Variants in FAM81B observed in about 807,000 individuals in gnomAD.
FAM81B encodes the protein protein FAM81B.
In FAM81B, 60 loss-of-function variants were observed where a neutral mutation model predicts 58.7. The observed-to-expected ratio is 1.02, with a 90% CI of 0.83 to 1.27. The LOEUF (loss-of-function observed/expected upper bound fraction) is 1.27. Ranked by LOEUF, FAM81B falls within the 50% of genes most tolerant of loss-of-function variation. The probability of loss-of-function intolerance (pLI) is 0.00; values close to 1 mark genes in which losing one functional copy is unlikely to be tolerated. For missense variants in FAM81B, 491 were observed against 522.0 expected (o/e 0.94, Z 0.58); for synonymous variants, 189 against 179.6 (o/e 1.05, Z -0.42).
intron 5 of FAM81B, chr5:95,424,291 T>C: frequency 8.6e-7 from 1 of 1,164,838 alleles, no homozygotes; most frequent in African/African-American, 1.6e-5. Context: ...GACAGACAGA[T>C]AGATGATAGA....
intron 6 of FAM81B, among the ~76,000 whole-genome samples, chr5:95,430,315 T>G (rs1366415265): frequency 6.6e-6 from 1 of 151,828 alleles, no homozygotes; most frequent in African/African-American, 2.4e-5. Context: ...GCATTCAGTA[T>G]GCCCTTATGC....
At chr5:95,440,204 T>C (rs570536634) in intron 7 of FAM81B, 3 of 638,826 alleles carry the variant, frequency 4.7e-6, no homozygotes, top group Non-Finnish European at 9.1e-6. Context: ...AACAAGAAGC[T>C]ATTGACTGGC....
In FAM81B at chr5:95,430,292, G is replaced by A. The variant is rs576763018; in HGVS notation, c.786+1560G>A. Among the ~76,000 whole-genome samples, 9 of 151,544 alleles carry A rather than the reference G, an allele frequency of 5.9e-5. No homozygotes were observed. The South Asian group carries it at 1.5e-3, about 25-fold the overall frequency. On this transcript the variant is annotated intron_variant, in intron 6 of 9. Transcript: ENST00000283357. ...TCCTCACAGGTAAGCATTTTTATTA[G>A]TCAATTGTGGATGCATTCAGTATGC... is the stretch of plus-strand genomic sequence containing the variant.
intron 3 of FAM81B, among the ~76,000 whole-genome samples, chr5:95,401,180 A>G (rs1366698791): frequency 3.3e-5 from 5 of 152,124 alleles, no homozygotes; most frequent in Non-Finnish European, 7.4e-5. Context: ...TCTTACTAAA[A>G]ATTTTGCTGA....
chr5:95,436,542 T>A (rs1389910010), intron 6 of FAM81B, among the ~76,000 whole-genome samples: 1 of 152,204 alleles, frequency 6.6e-6, no homozygotes, highest in African/African-American at 2.4e-5. Flanking sequence ...AGATGGCCTA[T>A]GATCAAAAAG....
intron 4 of FAM81B, among the ~76,000 whole-genome samples, chr5:95,419,203 T>G (rs1170589186): frequency 6.6e-6 from 1 of 152,210 alleles, no homozygotes; most frequent in East Asian, 1.9e-4. Context: ...TGCCCTTGGG[T>G]TGTCTCAATC....
chr5:95,400,111 A>G (rs1332547403), intron 3 of FAM81B, among the ~76,000 whole-genome samples: 1 of 152,198 alleles, frequency 6.6e-6, no homozygotes, highest in Non-Finnish European at 1.5e-5. Flanking sequence ...GTTATAATAA[A>G]TTCCTTACAT....
chr5:95,419,415 CT>C (rs1274367563), intron 4 of FAM81B, among the ~76,000 whole-genome samples: 2 of 152,298 alleles, frequency 1.3e-5, no homozygotes, highest in Non-Finnish European at 1.5e-5. Flanking sequence ...AGAACTCTCA[CT>C]TTTTTTCTTA....
Position 95,414,195 on chromosome 5 carries a change from T to C in FAM81B, c.537+5T>C. 1 of 1,589,248 alleles carries C rather than the reference T, an allele frequency of 6.3e-7. No individual in the cohort carries two copies. The highest frequency in any genetic ancestry group is 8.6e-7 in the Non-Finnish European group (1 of 1,168,962). ...AAACTCAGCCAAAATATTGAGGTAG[T>C]TCTCTTTTTGTTTTATTTTGTTTTT... On this transcript the variant is annotated splice_donor_5th_base_variant and intron_variant, in intron 4 of 9. Coordinates refer to ENST00000283357, the MANE Select transcript of FAM81B (RefSeq NM_152548.3).
At chr5:95,432,616 G>A (rs989811964) in intron 6 of FAM81B, among the ~76,000 whole-genome samples, 2 of 151,774 alleles carry the variant, frequency 1.3e-5, no homozygotes, top group African/African-American at 4.8e-5. Context: ...TCTCTTCAGA[G>A]GTTAGCTTCT....
chr5:95,408,486 C>A (rs1762323951), intron 3 of FAM81B, among the ~76,000 whole-genome samples: 1 of 152,148 alleles, frequency 6.6e-6, no homozygotes, highest in Non-Finnish European at 1.5e-5. Context: ...AATCATCCAA[C>A]TTGGTTTGTT....
At chr5:95,409,008 T>A (rs1055289372) in intron 3 of FAM81B, among the ~76,000 whole-genome samples, 1 of 152,198 alleles carries the variant, frequency 6.6e-6, no homozygotes, top group Non-Finnish European at 1.5e-5. Flanking sequence ...TATAAGTGTA[T>A]AATACACACT....
Position 95,428,723 on chromosome 5 carries a change from G to C in FAM81B, c.777G>C (p.Leu259Phe), listed in dbSNP as rs374317657. 6.2e-6 allele frequency: 10 copies of C among 1,613,634 alleles called. No homozygotes were observed. Among genetic ancestry groups the C allele is most frequent in the Non-Finnish European group, 7.6e-6 (9 of 1,179,726 alleles). Residue 259 changes from leucine to phenylalanine, a missense_variant, in exon 6 of 10, where the codon TTG becomes TTC. Leu to Phe is a conservative substitution (Grantham distance 22, BLOSUM62 0). Coordinates refer to ENST00000283357, the MANE Select transcript of FAM81B (RefSeq NM_152548.3). ...VPALETLSKN[L>F]DMKVMQLLGK... ...CCCTGGAAACTCTTTCCAAGAACTT[G>C]GACATGAAGGTAATTGAAAATAGAT...
At chr5:95,422,422 C>A (rs1457396767) in intron 5 of FAM81B, among the ~76,000 whole-genome samples, 1 of 151,804 alleles carries the variant, frequency 6.6e-6, no homozygotes, top group Non-Finnish European at 1.5e-5. Flanking sequence ...TATCAGCAAA[C>A]CCACAACCCT....
At chr5:95,440,674 G>C in intron 7 of FAM81B, 1 of 832,936 alleles carries the variant, frequency 1.2e-6, no homozygotes, top group Admixed American at 2.8e-5. Flanking sequence ...CACAGACTGG[G>C]AAAAGTTGGA....
chr5:95,445,980 ATAAT>A (rs1267829798), intron 7 of FAM81B, among the ~76,000 whole-genome samples: 7 of 152,218 alleles, frequency 4.6e-5, no homozygotes, highest in African/African-American at 1.7e-4. Flanking sequence ...ATGCATTCTA[ATAAT>A]TAAAGAGTTC....
intron 3 of FAM81B, among the ~76,000 whole-genome samples, chr5:95,408,597 A>G (rs1348625128): frequency 6.6e-6 from 1 of 152,242 alleles, no homozygotes; most frequent in East Asian, 1.9e-4. Flanking sequence ...TATGAACTTC[A>G]GACTGCTTAG....
chr5:95,411,476 CAG>C (rs1283682042), intron 3 of FAM81B, among the ~76,000 whole-genome samples: 12 of 152,126 alleles, frequency 7.9e-5, no homozygotes, highest in Admixed American at 2.6e-4. Context: ...CATAAACATA[CAG>C]GTATACTAAC....
intron 3 of FAM81B, among the ~76,000 whole-genome samples, chr5:95,399,174 T>C (rs79284594): frequency 0.016 from 2,467 of 152,306 alleles, 20 homozygotes; most frequent in Non-Finnish European, 0.026. Flanking sequence ...CATAAAACTT[T>C]CAGCAAGTCA....
Sources: gnomAD v4.1 joint callset for allele counts (sites outside exome capture counted in the v4.1 genomes callset) on GRCh38, gnomAD v4.1.1 for gene constraint, MANE v1.5 for transcripts, NCBI Gene and HGNC (gene_info 2026-07-23, HGNC 2026-07-21) for gene names.